The following PASD1 variants were observed in gnomAD, a reference collection of about 807,000 sequenced individuals.
PASD1 encodes the protein PAS domain containing repressor 1.
A neutral mutation model predicts 58.8 loss-of-function variants in PASD1; 13 were observed. The observed-to-expected ratio is 0.22, with a 90% CI of 0.14 to 0.35. The LOEUF is 0.35. Ranked by LOEUF, PASD1 falls within the 10% of genes least tolerant of loss-of-function variation. PASD1 has a pLI of 1.00. For synonymous variants in PASD1, 236 were observed against 216.7 expected (o/e 1.09, Z -0.78); for missense variants, 734 against 568.3 (o/e 1.29, Z -2.96).
rs1389021483 is a variant in PASD1, at chrX:151,655,589, T to C, written c.718-4124T>C. 3.6e-5 allele frequency among the ~76,000 whole-genome samples: 4 copies of C among 112,364 alleles called. No homozygotes were observed. The Admixed American group carries it at 3.8e-4, about 11-fold the overall frequency. On this transcript the variant is annotated intron_variant, in intron 9 of 15. Coordinates refer to ENST00000370357, the MANE Select transcript of PASD1 (RefSeq NM_173493.3). Reference sequence around the variant, plus strand: ...TATCTCATTGTGGTTTTGATTTGCATTTCTCTGATGGCCAGTGATGGTGTG... The same window carrying C: ...TATCTCATTGTGGTTTTGATTTGCACTTCTCTGATGGCCAGTGATGGTGTG...
intron 1 of PASD1, among the ~76,000 whole-genome samples, chrX:151,600,048 C>T (rs1049751402): frequency 8.0e-5 from 9 of 112,265 alleles, no homozygotes; most frequent in East Asian, 2.8e-4. Flanking sequence ...AGATCACTCG[C>T]GGTCAGGAGC....
intron 1 of PASD1, among the ~76,000 whole-genome samples, chrX:151,565,071 C>T (rs774626710): frequency 3.8e-4 from 43 of 112,026 alleles, no homozygotes; most frequent in Non-Finnish European, 6.2e-4. Context: ...CAAAAGAGAT[C>T]CAGGAACAGA....
chrX:151,623,237 G>A (rs780306455), intron 7 of PASD1, among the ~76,000 whole-genome samples, 173 bp downstream of exon 7: 1 of 112,255 alleles, frequency 8.9e-6, no homozygotes, highest in Admixed American at 9.5e-5. Flanking sequence ...GTTTCAGAAG[G>A]TGAACATCTC....
At chrX:151,609,805 T>A (rs991329727) in intron 3 of PASD1, among the ~76,000 whole-genome samples, 1,678 of 104,488 alleles carry the variant, frequency 0.016, 28 homozygotes, top group African/African-American at 0.053. Context: ...TTCAGGGTGT[T>A]TTTTTTTTTT....
chrX:151,671,558 A>G lies in PASD1; in HGVS notation c.1231-15A>G. 8.3e-7 allele frequency: 1 copy of G among 1,205,616 alleles called. No homozygotes were observed. The highest frequency in any genetic ancestry group is 1.1e-6 in the Non-Finnish European group (1 of 891,112). On this transcript the variant is annotated splice_polypyrimidine_tract_variant and intron_variant, in intron 12 of 15. Coordinates refer to ENST00000370357, the MANE Select transcript of PASD1 (RefSeq NM_173493.3). ...GGACTGTGAATAAGACCTTTGTGAT[A>G]CTGTGTCCTTACAGAAGCAGCCAAA... is the stretch of plus-strand genomic sequence containing the variant.
intron 9 of PASD1, 53 bp downstream of exon 9, chrX:151,648,755 G>T (rs1386349481): frequency 8.6e-7 from 1 of 1,158,828 alleles, no homozygotes; most frequent in East Asian, 3.0e-5. Flanking sequence ...TCCGTGTGAT[G>T]TTGATTATTT....
At chrX:151,667,288 G>A (rs888021134) in intron 11 of PASD1, among the ~76,000 whole-genome samples, 11 of 111,962 alleles carry the variant, frequency 9.8e-5, no homozygotes, top group Admixed American at 2.8e-4. Flanking sequence ...TTAGCCGTTT[G>A]TCAGATGAGT....
At chrX:151,662,941 A>G (rs1244849583) in intron 10 of PASD1, among the ~76,000 whole-genome samples, 1 of 111,525 alleles carries the variant, frequency 9.0e-6, no homozygotes, top group Non-Finnish European at 1.9e-5. Context: ...TTCCTGCGTT[A>G]GCTTCTTTAT....
intron 9 of PASD1, among the ~76,000 whole-genome samples, chrX:151,654,902 A>G (rs1484195974): frequency 9.1e-6 from 1 of 110,407 alleles, no homozygotes; most frequent in Non-Finnish European, 1.9e-5. Context: ...TGTGCACAAC[A>G]AGCAGGTTTG....
intron 1 of PASD1, among the ~76,000 whole-genome samples, chrX:151,570,319 A>G (rs936443592): frequency 8.9e-6 from 1 of 112,460 alleles, no homozygotes; most frequent in African/African-American, 3.2e-5. Flanking sequence ...GAATGTTCAC[A>G]GCCATGTAAA....
chrX:151,661,432 T>C (rs770741634), intron 10 of PASD1, among the ~76,000 whole-genome samples: 24 of 112,033 alleles, frequency 2.1e-4, no homozygotes, highest in Non-Finnish European at 4.1e-4. Flanking sequence ...GTTTCTCTTT[T>C]CCAAACTTTT....
At chrX:151,653,763 TTTC>T (rs1253018066) in intron 9 of PASD1, among the ~76,000 whole-genome samples, 3 of 3,102 alleles carry the variant, frequency 9.7e-4, no homozygotes, top group African/African-American at 1.6e-3. Flanking sequence ...TCTTTCTTTC[TTTC>T]TTTCTTTCTT....
rs150496278 is a variant in PASD1 at position 151,672,514 on chromosome X, C to T, written c.1769C>T (p.Pro590Leu). ...AGGGTGCAGATATGCCTGCAAAACC[C>T]ACGTGACGTATCTGTGCCCCTCTGC... ...NERVQICLQN[P>L]RDVSVPLCNH... The change falls in exon 14 of 16, where the codon CCA (proline) becomes CTA (leucine). Residue 590 changes from proline to leucine, a missense_variant. Pro to Leu is a moderately conservative substitution (Grantham distance 98). Coordinates refer to ENST00000370357, the MANE Select transcript of PASD1 (RefSeq NM_173493.3). 6 of 1,210,148 alleles carry T rather than the reference C, an allele frequency of 5.0e-6. No individual in the cohort carries two copies. The highest frequency in any genetic ancestry group is 1.7e-5 in the African/African-American group (1 of 57,188).
intron 3 of PASD1, among the ~76,000 whole-genome samples, chrX:151,610,185 T>C (rs766300243): frequency 1.8e-5 from 2 of 111,522 alleles, no homozygotes; most frequent in Admixed American, 9.6e-5. Flanking sequence ...ATCAGACATA[T>C]GTTGGACTTT....
intron 1 of PASD1, among the ~76,000 whole-genome samples, chrX:151,575,400 A>G (rs945656295): frequency 9.0e-6 from 1 of 111,065 alleles, no homozygotes; most frequent in Non-Finnish European, 1.9e-5. Flanking sequence ...TAGATGGGCT[A>G]TTTTTTATTT....
chrX:151,642,908 A>G (rs2014014880), intron 8 of PASD1, among the ~76,000 whole-genome samples: 1 of 111,318 alleles, frequency 9.0e-6, no homozygotes, highest in Admixed American at 9.6e-5. Flanking sequence ...AAAGAAACAA[A>G]GGAGAGCCAG....
chrX:151,575,733 A>C (rs941123141), intron 1 of PASD1, among the ~76,000 whole-genome samples: 1 of 110,983 alleles, frequency 9.0e-6, no homozygotes, highest in Non-Finnish European at 1.9e-5. Context: ...GGCTCACTAC[A>C]GCCTCGACTT....
intron 1 of PASD1, among the ~76,000 whole-genome samples, chrX:151,570,302 A>G (rs1343629100): frequency 1.8e-5 from 2 of 112,105 alleles, no homozygotes; most frequent in Non-Finnish European, 3.8e-5. Flanking sequence ...TAAAAACTGT[A>G]TTTACAGAAT....
intron 8 of PASD1, among the ~76,000 whole-genome samples, chrX:151,641,587 G>A (rs12859750): frequency 8.1e-5 from 9 of 110,492 alleles, no homozygotes; most frequent in Admixed American, 2.9e-4. Flanking sequence ...TCTGTGTCTC[G>A]TACAGGAAAA....
Sources: gnomAD v4.1 joint callset for allele counts (sites outside exome capture counted in the v4.1 genomes callset) on GRCh38, gnomAD v4.1.1 for gene constraint, MANE v1.5 for transcripts, NCBI Gene and HGNC (gene_info 2026-07-23, HGNC 2026-07-21) for gene names.